Variants in PRDM11 observed in about 807,000 individuals in gnomAD.
The protein encoded by PRDM11 is PR/SET domain 11.
A neutral mutation model predicts 97.8 loss-of-function variants in PRDM11; 20 were observed. The ratio of observed to expected loss-of-function variants is 0.20; its 90% CI spans 0.14 to 0.30. The LOEUF (loss-of-function observed/expected upper bound fraction) is 0.30, where lower values mean the gene tolerates loss of function less well. Among genes scored for constraint, PRDM11 ranks in the 10% least tolerant of loss-of-function variants. The pLI, the probability that PRDM11 is intolerant of heterozygous loss-of-function variation, is 1.00. For missense variants in PRDM11, 1,139 were observed against 1,555.2 expected (o/e 0.73, Z 4.50); for synonymous variants, 599 against 637.7 (o/e 0.94, Z 0.91).
At chr11:45,205,113 G>T (rs1853461732) in intron 5 of PRDM11, among the ~76,000 whole-genome samples, 1 of 152,184 alleles carries the variant, frequency 6.6e-6, no homozygotes, top group Non-Finnish European at 1.5e-5. Context: ...TGACACCTCA[G>T]AGCAGGCTCC....
intron 1 of PRDM11, among the ~76,000 whole-genome samples, chr11:45,129,022 A>C (rs946709388): frequency 3.3e-5 from 5 of 152,226 alleles, no homozygotes; most frequent in African/African-American, 1.2e-4. Context: ...CATTATTTTA[A>C]TGTAATTCAC....
chr11:45,148,346 A>G (rs1427888420), intron 1 of PRDM11, among the ~76,000 whole-genome samples: 1 of 152,172 alleles, frequency 6.6e-6, no homozygotes, highest in East Asian at 1.9e-4. Flanking sequence ...CTGCCCGGCA[A>G]GGAAGTTGTG....
chr11:45,208,259 G>A (rs1002151144), intron 5 of PRDM11, among the ~76,000 whole-genome samples: 5 of 152,190 alleles, frequency 3.3e-5, no homozygotes, highest in Admixed American at 1.3e-4. Context: ...TGACCGGGAC[G>A]GGGAAGGGGA....
At chr11:45,164,811 A>G (rs912591918) in intron 1 of PRDM11, among the ~76,000 whole-genome samples, 2 of 152,162 alleles carry the variant, frequency 1.3e-5, no homozygotes, top group Non-Finnish European at 2.9e-5. Context: ...TTGGGGGCCC[A>G]GCTTCTGGAG....
intron 1 of PRDM11, among the ~76,000 whole-genome samples, chr11:45,149,901 T>G (rs1310850036): frequency 6.6e-6 from 1 of 152,210 alleles, no homozygotes; most frequent in Non-Finnish European, 1.5e-5. Context: ...GAGAGGCATT[T>G]TAGGCAGAGA....
chr11:45,194,756 G>A (rs1167100861), intron 4 of PRDM11, among the ~76,000 whole-genome samples: 3 of 150,376 alleles, frequency 2.0e-5, no homozygotes, highest in Non-Finnish European at 3.0e-5. Flanking sequence ...CCGCCACTAC[G>A]CCCGGCTAAT....
intron 1 of PRDM11, among the ~76,000 whole-genome samples, chr11:45,114,851 A>G (rs964149445): frequency 6.6e-6 from 1 of 152,110 alleles, no homozygotes; most frequent in Non-Finnish European, 1.5e-5. Flanking sequence ...ATATATCCAG[A>G]AAAAAATCCA....
chr11:45,124,471 CT>C (rs551421269), intron 1 of PRDM11, among the ~76,000 whole-genome samples: 1,938 of 152,242 alleles, frequency 0.013, 14 homozygotes, highest in Non-Finnish European at 0.018. Flanking sequence ...ATGATATTGG[CT>C]GTGGGTTTGT....
upstream of PRDM11, among the ~76,000 whole-genome samples, chr11:45,094,658 A>C (rs111444970): frequency 1.4e-3 from 185 of 133,480 alleles, 1 homozygote; most frequent in African/African-American, 4.8e-3. Flanking sequence ...GAGGGAGGAA[A>C]GAAGGAAGGA....
chr11:45,134,947 A>G (rs947961046), intron 1 of PRDM11, among the ~76,000 whole-genome samples: 1 of 152,082 alleles, frequency 6.6e-6, no homozygotes, highest in Non-Finnish European at 1.5e-5. Context: ...ATGGAAAAAT[A>G]GGTGCTGATA....
At chr11:45,193,123 G>T (rs896023943) in intron 4 of PRDM11, among the ~76,000 whole-genome samples, 10 of 152,230 alleles carry the variant, frequency 6.6e-5, no homozygotes, top group Admixed American at 6.5e-4. Context: ...TATTGCCCAG[G>T]CTGAGTGCAA....
chr11:45,110,242 T>C (rs1298641730), intron 1 of PRDM11, among the ~76,000 whole-genome samples: 1 of 152,272 alleles, frequency 6.6e-6, no homozygotes, highest in Non-Finnish European at 1.5e-5. Context: ...AACTAATCCT[T>C]ATGCAGACCC....
intron 1 of PRDM11, among the ~76,000 whole-genome samples, chr11:45,124,999 T>C (rs1042830036): frequency 3.0e-4 from 46 of 152,338 alleles, no homozygotes; most frequent in African/African-American, 1.1e-3. Flanking sequence ...AGCTATTGAT[T>C]ATTGCCACAA....
At chr11:45,198,485 A>G (rs187710150) in intron 4 of PRDM11, among the ~76,000 whole-genome samples, 10 of 152,374 alleles carry the variant, frequency 6.6e-5, no homozygotes, top group Admixed American at 3.3e-4. Context: ...ACTTTGCTCT[A>G]TGAAGAAATG....
At chr11:45,153,219 C>T (rs1158335908) in intron 1 of PRDM11, among the ~76,000 whole-genome samples, 1 of 152,208 alleles carries the variant, frequency 6.6e-6, no homozygotes, top group Non-Finnish European at 1.5e-5. Context: ...TAAAATCCAG[C>T]AAAGTGCCTT....
At chr11:45,224,104 C>T (rs1854194562) in intron 6 of PRDM11, 113 bp from the exon 7 acceptor site, 1 of 1,307,948 alleles carries the variant, frequency 7.6e-7, no homozygotes, top group African/African-American at 1.5e-5. Flanking sequence ...CCCAAAAGCC[C>T]AGATCTAGAG....
intron 1 of PRDM11, among the ~76,000 whole-genome samples, chr11:45,163,406 C>T (rs1851977977): frequency 6.6e-6 from 1 of 152,242 alleles, no homozygotes; most frequent in South Asian, 2.1e-4. Flanking sequence ...CAGTGTGCCT[C>T]ACCTACTGCC....
At chr11:45,108,124 C>T (rs567867121) in intron 1 of PRDM11, among the ~76,000 whole-genome samples, 5 of 152,232 alleles carry the variant, frequency 3.3e-5, no homozygotes, top group South Asian at 2.1e-4. Context: ...CACTGCACCC[C>T]GCCCTGGATT....
intron 4 of PRDM11, among the ~76,000 whole-genome samples, chr11:45,185,982 T>C (rs1035223597): frequency 6.6e-6 from 1 of 151,144 alleles, no homozygotes; most frequent in East Asian, 1.9e-4. Flanking sequence ...GCCTTCGAGA[T>C]AGAGTAAGGA....
Sources: allele counts gnomAD v4.1 joint callset (sites outside exome capture counted in the v4.1 genomes callset), GRCh38; gene constraint gnomAD v4.1.1; transcripts MANE v1.5; gene names NCBI Gene and HGNC (gene_info 2026-07-23, HGNC 2026-07-21).